Variants in NLN observed in about 807,000 individuals in gnomAD.
NLN encodes neurolysin, also known as neurolysin, mitochondrial.
Under a neutral mutation model 79.9 loss-of-function variants are expected in NLN, and 64 were observed. The observed-to-expected ratio is 0.80, with a 90% CI of 0.65 to 0.99. NLN has a LOEUF of 0.99. Ranked by LOEUF, NLN falls within the 50% of genes least tolerant of loss-of-function variation. The pLI is 0.00. For synonymous variants in NLN, 267 were observed against 296.6 expected (o/e 0.90, Z 1.02); for missense variants, 835 against 858.7 (o/e 0.97, Z 0.34).
chr5:65,814,231 T>C (rs1035145840), intron 12 of NLN, among the ~76,000 whole-genome samples: 2 of 152,266 alleles, frequency 1.3e-5, no homozygotes, highest in Admixed American at 6.5e-5. Context: ...TAGTTACCAC[T>C]GATGACCCAG....
intron 1 of NLN, among the ~76,000 whole-genome samples, chr5:65,752,590 G>T (rs1213110803): frequency 6.6e-6 from 1 of 152,174 alleles, no homozygotes; most frequent in African/African-American, 2.4e-5. Context: ...TCCCACCCAG[G>T]TGCAGTTCTT....
chr5:65,779,680 G>T (rs1445309863), intron 4 of NLN, among the ~76,000 whole-genome samples: 1 of 152,080 alleles, frequency 6.6e-6, no homozygotes, highest in Non-Finnish European at 1.5e-5. Flanking sequence ...GCAATATATT[G>T]TGTTTACTGT....
chr5:65,809,486 T>C (rs1760493096), intron 9 of NLN, 29 bp from the exon 10 acceptor site: 1 of 1,556,406 alleles, frequency 6.4e-7, no homozygotes, highest in Non-Finnish European at 8.7e-7. Context: ...TTGAGTTCTT[T>C]AAAAAAATTC....
chr5:65,806,198 A>G (rs1477462262), intron 9 of NLN, among the ~76,000 whole-genome samples: 1 of 152,234 alleles, frequency 6.6e-6, no homozygotes, highest in Non-Finnish European at 1.5e-5. Flanking sequence ...CTGCTAACAC[A>G]ACAGCCATTC....
chr5:65,760,951 A>T (rs1382540770), intron 2 of NLN, among the ~76,000 whole-genome samples: 2 of 152,174 alleles, frequency 1.3e-5, no homozygotes, highest in African/African-American at 4.8e-5. Context: ...TGGGTTAATT[A>T]TCAAAATTTT....
chr5:65,780,353 C>T (rs1759772766), intron 5 of NLN, 72 bp downstream of exon 5: 1 of 604,660 alleles, frequency 1.7e-6, no homozygotes, highest in Admixed American at 3.3e-5. Context: ...GTTTGTTTTA[C>T]TTTCCAGATA....
intron 1 of NLN, among the ~76,000 whole-genome samples, chr5:65,739,042 A>AATATATAATATATATAT (rs1370885681): frequency 5.0e-5 from 6 of 119,350 alleles, no homozygotes; most frequent in African/African-American, 9.5e-5. Flanking sequence ...TATATATATA[A>AATATATAATATATATAT]AAAATATATA....
At chr5:65,723,814 CAAAAAAAAAAAAA>C (rs760572199) in intron 1 of NLN, among the ~76,000 whole-genome samples, 2,292 of 55,372 alleles carry the variant, frequency 0.041, 97 homozygotes, top group African/African-American at 0.14. Flanking sequence ...GACTCCGTCT[CAAAAAAAAAAAAA>C]AAAAAAAAAG....
intron 12 of NLN, among the ~76,000 whole-genome samples, chr5:65,817,085 G>A (rs954914018): frequency 2.6e-5 from 4 of 152,142 alleles, no homozygotes; most frequent in Admixed American, 6.5e-5. Context: ...ACTATAGAAA[G>A]TAGCAGTAGA....
chr5:65,816,497 A>G lies in NLN; in HGVS notation c.1980+4106A>G, dbSNP rs368140014. Among the ~76,000 whole-genome samples, 21 of 152,078 alleles carry G rather than the reference A, an allele frequency of 1.4e-4. No individual in the cohort carries two copies. In the East Asian group the frequency reaches 1.5e-3, roughly 11 times the overall value. On this transcript the variant is annotated intron_variant, in intron 12 of 12. Coordinates refer to ENST00000380985, the MANE Select transcript of NLN (RefSeq NM_020726.5). ...AAACCCATGTGACACAAGTTTACCT[A>G]TGTAACAAACCTGTACTCGTACCCC...
chr5:65,815,203 G>C (rs1418477630), intron 12 of NLN, among the ~76,000 whole-genome samples: 1 of 152,166 alleles, frequency 6.6e-6, no homozygotes, highest in African/African-American at 2.4e-5. Context: ...GCCCTTATGT[G>C]ACCATATACC....
At chr5:65,741,627 C>T (rs922908309) in intron 1 of NLN, among the ~76,000 whole-genome samples, 4 of 152,208 alleles carry the variant, frequency 2.6e-5, no homozygotes, top group African/African-American at 7.2e-5. Context: ...AAGTATGCCC[C>T]AAACACCAAT....
At chr5:65,808,059 T>A (rs1395830018) in intron 9 of NLN, among the ~76,000 whole-genome samples, 1 of 152,244 alleles carries the variant, frequency 6.6e-6, no homozygotes, top group Non-Finnish European at 1.5e-5. Context: ...CCCTTACCTC[T>A]TTCCCTGCAA....
At chr5:65,751,677 C>G (rs1026696585) in intron 1 of NLN, among the ~76,000 whole-genome samples, 3 of 152,124 alleles carry the variant, frequency 2.0e-5, no homozygotes, top group Admixed American at 6.5e-5. Flanking sequence ...CCCCATAAAT[C>G]AACATTTCTG....
intron 3 of NLN, among the ~76,000 whole-genome samples, chr5:65,764,646 T>C (rs1759413821): frequency 6.6e-6 from 1 of 152,208 alleles, no homozygotes; most frequent in African/African-American, 2.4e-5. Flanking sequence ...CACCAATGCG[T>C]TCATCAGATT....
At chr5:65,782,178 TAAG>T (rs1759815119) in intron 6 of NLN, among the ~76,000 whole-genome samples, 1 of 152,218 alleles carries the variant, frequency 6.6e-6, no homozygotes, top group Non-Finnish European at 1.5e-5. Context: ...TGCTTTCTCA[TAAG>T]AATTCCTTTA....
intron 12 of NLN, among the ~76,000 whole-genome samples, chr5:65,816,535 TAAA>T (rs572354124): frequency 7.3e-6 from 1 of 137,000 alleles, no homozygotes; most frequent in Non-Finnish European, 1.6e-5. Flanking sequence ...ACGTAAAAGT[TAAA>T]AAAAAAAAAA....
intron 3 of NLN, among the ~76,000 whole-genome samples, chr5:65,771,362 C>T (rs182546894): frequency 6.6e-6 from 1 of 152,128 alleles, no homozygotes; most frequent in Admixed American, 6.6e-5. Context: ...CCTGCTCTTT[C>T]CAGCCATTTT....
chr5:65,783,482 C>T (rs1214368362), intron 6 of NLN, among the ~76,000 whole-genome samples: 1 of 152,094 alleles, frequency 6.6e-6, no homozygotes, highest in Non-Finnish European at 1.5e-5. Flanking sequence ...ATTCACATCC[C>T]ATTGTCCCAT....
Sources: gnomAD v4.1 joint callset for allele counts (sites outside exome capture counted in the v4.1 genomes callset) on GRCh38, gnomAD v4.1.1 for gene constraint, MANE v1.5 for transcripts, NCBI Gene and HGNC (gene_info 2026-07-23, HGNC 2026-07-21) for gene names.